STPG2: variants seen among roughly 807,000 people sequenced by gnomAD.
STPG2 encodes sperm tail PG-rich repeat containing 2.
Under a neutral mutation model 54.2 loss-of-function variants are expected in STPG2, and 56 were observed. That is an observed-to-expected ratio of 1.03 (90% CI 0.83 to 1.29). The LOEUF is 1.29. Ranked by LOEUF, STPG2 falls within the 50% of genes most tolerant of loss-of-function variation. The pLI, the probability that STPG2 is intolerant of heterozygous loss-of-function variation, is 0.00. For missense variants in STPG2, 596 were observed against 544.9 expected, an observed-to-expected ratio of 1.09 and a Z score of -0.93; for synonymous variants, 200 against 181.8, an observed-to-expected ratio of 1.10 and a Z score of -0.81.
At chr4:98,123,227 C>CTAGCTT (rs1422071254) in intron 3 of STPG2, among the ~76,000 whole-genome samples, 9 of 152,102 alleles carry the variant, frequency 5.9e-5, no homozygotes. Flanking sequence ...TTGTCTTCTG[C>CTAGCTT]TAGCTTTAGG....
At chr4:97,861,099 G>A (rs1001672642) in intron 8 of STPG2, among the ~76,000 whole-genome samples, 6 of 152,126 alleles carry the variant, frequency 3.9e-5, no homozygotes, top group Non-Finnish European at 8.8e-5. Context: ...CTATCCATCT[G>A]TTAGGGGATT....
At chr4:97,945,425 G>A (rs901960799) in intron 7 of STPG2, among the ~76,000 whole-genome samples, 2 of 152,096 alleles carry the variant, frequency 1.3e-5, no homozygotes, top group South Asian at 4.1e-4. Context: ...ATTCCATGGT[G>A]TATATATACC....
intron 8 of STPG2, among the ~76,000 whole-genome samples, chr4:97,867,879 C>T (rs1288747271): frequency 6.6e-6 from 1 of 151,890 alleles, no homozygotes; most frequent in African/African-American, 2.4e-5. Flanking sequence ...AGCAATTTGA[C>T]CAAAACATTA....
intron 8 of STPG2, among the ~76,000 whole-genome samples, chr4:97,918,732 C>T (rs532896380): frequency 6.6e-6 from 1 of 152,086 alleles, no homozygotes; most frequent in Non-Finnish European, 1.5e-5. Context: ...ACCAAACATC[C>T]TATGTTCTCA....
At chr4:97,778,119 G>A (rs530982596) in intron 9 of STPG2, among the ~76,000 whole-genome samples, 3 of 152,110 alleles carry the variant, frequency 2.0e-5, no homozygotes, top group Non-Finnish European at 4.4e-5. Context: ...GTGAGGCATC[G>A]ACTCACCTGG....
At chr4:97,876,630 A>G (rs113314456) in intron 8 of STPG2, among the ~76,000 whole-genome samples, 1,918 of 152,156 alleles carry the variant, frequency 0.013, 35 homozygotes, top group African/African-American at 0.044. Context: ...CATCACATAC[A>G]TAAAAAGCTA....
At chr4:97,781,521 C>T (rs1183768719) in intron 9 of STPG2, among the ~76,000 whole-genome samples, 1 of 152,128 alleles carries the variant, frequency 6.6e-6, no homozygotes, top group Non-Finnish European at 1.5e-5. Flanking sequence ...AGCTCATAAC[C>T]AATCCTTCTG....
At chr4:97,841,698 T>TGTGGAC (rs1728806980) in intron 8 of STPG2, among the ~76,000 whole-genome samples, 1 of 151,800 alleles carries the variant, frequency 6.6e-6, no homozygotes, top group African/African-American at 2.4e-5. Context: ...TGGCTAAGCA[T>TGTGGAC]GTGGACTCTG....
chr4:97,972,671 T>C (rs928197523), intron 6 of STPG2, among the ~76,000 whole-genome samples: 1 of 152,184 alleles, frequency 6.6e-6, no homozygotes, highest in Non-Finnish European at 1.5e-5. Flanking sequence ...TCAGCTTGAA[T>C]TGTAATTCCC....
intron 9 of STPG2, among the ~76,000 whole-genome samples, chr4:97,808,816 T>TACCAGAA (rs1288295313): frequency 6.0e-5 from 9 of 150,788 alleles, no homozygotes; most frequent in Non-Finnish European, 1.3e-4. Flanking sequence ...GCTTCATTGA[T>TACCAGAA]ACCAGAATAC....
At chr4:97,692,917 T>G (rs764990913) in intron 10 of STPG2, among the ~76,000 whole-genome samples, 4 of 152,210 alleles carry the variant, frequency 2.6e-5, no homozygotes, top group Admixed American at 1.3e-4. Context: ...AAAACAATTA[T>G]CAGCCAAGAA....
chr4:97,529,146 A>G (rs562713557), intron 4 of STPG2, among the ~76,000 whole-genome samples: 4 of 152,284 alleles, frequency 2.6e-5, no homozygotes, highest in South Asian at 2.1e-4. Context: ...TATTATTTTG[A>G]GATACATTCC....
At chr4:97,954,792 T>C (rs928462494) in intron 7 of STPG2, among the ~76,000 whole-genome samples, 23 of 152,182 alleles carry the variant, frequency 1.5e-4, no homozygotes, top group African/African-American at 4.8e-4. Context: ...ATCTTTACAA[T>C]GTTTTATATG....
intron 10 of STPG2, among the ~76,000 whole-genome samples, chr4:97,681,217 TA>T (rs1723024039): frequency 6.6e-6 from 1 of 151,880 alleles, no homozygotes; most frequent in Non-Finnish European, 1.5e-5. Context: ...TTCTTAAATA[TA>T]AAATACAAAT....
chr4:97,860,492 AT>A (rs1324939655), intron 8 of STPG2, among the ~76,000 whole-genome samples: 1 of 148,056 alleles, frequency 6.8e-6, no homozygotes, highest in Non-Finnish European at 1.5e-5. Context: ...ATTTTATTTT[AT>A]TTTATTTTAT....
intron 10 of STPG2, among the ~76,000 whole-genome samples, chr4:97,635,341 C>A (rs951248585): frequency 2.0e-5 from 3 of 152,164 alleles, no homozygotes; most frequent in Admixed American, 6.5e-5. Flanking sequence ...CTGAAGGAAG[C>A]GCTAAACATG....
At chr4:97,896,593 T>C (rs1730964212) in intron 8 of STPG2, among the ~76,000 whole-genome samples, 2 of 151,720 alleles carry the variant, frequency 1.3e-5, no homozygotes, top group Admixed American at 6.6e-5. Context: ...GTTGCCGAAT[T>C]TAAATACACC....
intron 9 of STPG2, among the ~76,000 whole-genome samples, chr4:97,792,809 T>C (rs1727043120): frequency 6.6e-6 from 1 of 152,190 alleles, no homozygotes; most frequent in Non-Finnish European, 1.5e-5. Context: ...GCAGTGCTTT[T>C]TCATCATATA....
At chr4:97,471,023 G>A (rs527517485) in intron 4 of STPG2, among the ~76,000 whole-genome samples, 27 of 152,160 alleles carry the variant, frequency 1.8e-4, no homozygotes, top group Non-Finnish European at 3.4e-4. Context: ...CAATGTTTAT[G>A]ACTAATGAGT....
Sources: allele counts gnomAD v4.1 joint callset (sites outside exome capture counted in the v4.1 genomes callset), GRCh38; gene constraint gnomAD v4.1.1; transcripts MANE v1.5; gene names NCBI Gene and HGNC (gene_info 2026-07-23, HGNC 2026-07-21).